The following ADAMTS15 variants were observed in gnomAD, a reference collection of about 807,000 sequenced individuals.
ADAMTS15 encodes A disintegrin and metalloproteinase with thrombospondin motifs 15.
In ADAMTS15, 35 loss-of-function variants were observed where a neutral mutation model predicts 79.1. The ratio of observed to expected loss-of-function variants is 0.44; its 90% CI spans 0.34 to 0.59. ADAMTS15 has a LOEUF of 0.59. Ranked by LOEUF, ADAMTS15 falls within the 20% of genes least tolerant of loss-of-function variation. The pLI, the probability that ADAMTS15 is intolerant of heterozygous loss-of-function variation, is 0.02. For missense variants in ADAMTS15, 1,324 were observed against 1,318.7 expected (o/e 1.00, Z -0.06); for synonymous variants, 616 against 567.3 (o/e 1.09, Z -1.22).
chr11:130,465,511 C>G (rs1296702846), intron 4 of ADAMTS15, among the ~76,000 whole-genome samples: 1 of 152,184 alleles, frequency 6.6e-6, no homozygotes, highest in Non-Finnish European at 1.5e-5. Context: ...TGGTCTGTTT[C>G]TCTGACTCCC....
chr11:130,451,907 G>C (rs1477081937), intron 1 of ADAMTS15, among the ~76,000 whole-genome samples: 10 of 152,224 alleles, frequency 6.6e-5, no homozygotes, highest in Admixed American at 6.5e-4. Context: ...CATGACCACT[G>C]GATCAGAAGC....
chr11:130,462,333 C>A lies in ADAMTS15; in HGVS notation c.1258+79C>A. ...CTGCCCCTGGTGGAGGTGCTCACTT[C>A]TCCGTCCTCTGTACATTAGGTGTGT... On this transcript the variant is annotated intron_variant, in intron 3 of 7. Transcript: ENST00000299164. The surrounding 1 kb of genome is among the most constrained non-coding windows in gnomAD (Gnocchi z 4.3). The A allele has an allele frequency of 1.3e-6, 2 of 1,520,364 alleles. No individual in the cohort carries two copies. Among genetic ancestry groups the A allele is most frequent in the Non-Finnish European group, 1.8e-6 (2 of 1,130,972 alleles). The allele number at this position is 1,520,364 out of a possible 1,614,324, so 94.2% of individuals were successfully genotyped here. A position where few individuals can be genotyped will look rare whatever the true frequency, so the allele number is the denominator to read the frequency against.
In ADAMTS15 at chr11:130,471,027, G is replaced by A. The variant is rs776761397; in HGVS notation, c.1828G>A (p.Val610Met). ...AVAWVPKYSG[V>M]SPRDKCKLIC... ...GGCATGGGTGCCCAAGTACTCCGGC[G>A]TGTCTCCCCGGGACAAGTGCAAGCT... The change falls in exon 6 of 8, where the codon GTG (valine) becomes ATG (methionine). Residue 610 changes from valine (V) to methionine (M), a missense_variant. Transcript: ENST00000299164. 20 of 1,613,714 alleles carry A rather than the reference G, an allele frequency of 1.2e-5. No homozygotes were observed. Among genetic ancestry groups the A allele is most frequent in the Middle Eastern group, 1.6e-4 (1 of 6,084 alleles).
chr11:130,453,624 A>C (rs1208794978), intron 1 of ADAMTS15, among the ~76,000 whole-genome samples: 1 of 151,952 alleles, frequency 6.6e-6, no homozygotes, highest in African/African-American at 2.4e-5. Flanking sequence ...ACAGGGTCTC[A>C]CTATGTTAAC....
chr11:130,453,533 A>G (rs1025874141), intron 1 of ADAMTS15, among the ~76,000 whole-genome samples: 24 of 152,056 alleles, frequency 1.6e-4, no homozygotes, highest in African/African-American at 5.8e-4. Context: ...CCTGGGGTCA[A>G]GTAATACTCC....
chr11:130,468,814 G>A lies in ADAMTS15; in HGVS notation c.1543-448G>A, dbSNP rs978302297. ...TAGCCGGGCATGGTAGCCGGCACCT[G>A]TAATCCCAGCTACTCGGGAGGCTGA... On this transcript the variant is annotated intron_variant, in intron 4 of 7. Coordinates refer to ENST00000299164, the MANE Select transcript of ADAMTS15 (RefSeq NM_139055.4). Among the ~76,000 whole-genome samples the A allele has an allele frequency of 1.7e-4, 25 of 150,252 alleles. No homozygotes were observed. The South Asian group carries it at 4.2e-3, about 25-fold the overall frequency.
chr11:130,454,613 T>C (rs1341770792), intron 1 of ADAMTS15, among the ~76,000 whole-genome samples: 1 of 152,142 alleles, frequency 6.6e-6, no homozygotes, highest in East Asian at 1.9e-4. Flanking sequence ...ATTGGTAGAT[T>C]GAGTATTTAA....
In ADAMTS15 at chr11:130,473,284, C is replaced by T. The variant is rs773010724; in HGVS notation, c.2316C>T (p.Ser772=). ...TGTAVESLQA[S]RPILEPLTVE... ...CAGCGGTGGAGAGCCTGCAGGCTTCCCGGCCCATCCTGGAGCCGCTGACCG... is the reference window on the plus strand; with the variant it reads ...CAGCGGTGGAGAGCCTGCAGGCTTCTCGGCCCATCCTGGAGCCGCTGACCG... The change falls in exon 8 of 8, where the codon TCC becomes TCT. Residue 772 remains serine (S), a synonymous_variant. Transcript: ENST00000299164. 3.1e-6 allele frequency: 5 copies of T among 1,613,098 alleles called. No homozygotes were observed. Among genetic ancestry groups the T allele is most frequent in the African/African-American group, 2.7e-5 (2 of 74,938 alleles).
rs1938408024 is a variant in ADAMTS15, at chr11:130,470,165, T to TATAC, written c.1720+729_1720+730insCATA. On this transcript the variant is annotated intron_variant, in intron 5 of 7. Coordinates refer to ENST00000299164, the MANE Select transcript of ADAMTS15 (RefSeq NM_139055.4). ...ATATATATATATGTGTATATATATATATATATATATATATATGTGTGTATA... is the reference window on the plus strand; with the variant it reads ...ATATATATATATGTGTATATATATATATACATATATATATATATATGTGTGTATA... Among the ~76,000 whole-genome samples the TATAC allele has an allele frequency of 3.6e-5, 2 of 55,882 alleles. 1 individual carries two copies. The highest frequency in any genetic ancestry group is 3.2e-4 in the Admixed American group (2 of 6,178). 36.7% of individuals were successfully genotyped at this position (55,882 alleles called of 152,430 possible). A position where few individuals can be genotyped will look rare whatever the true frequency, so the allele number is the denominator to read the frequency against.
Position 130,462,139 on chromosome 11 carries a change from T to G in ADAMTS15, c.1143T>G (p.Phe381Leu), listed in dbSNP as rs746591348. Residue 381 changes from phenylalanine to leucine, a missense_variant, in exon 3 of 8, where the codon TTT becomes TTG. Physicochemically the swap from Phe to Leu is conservative, Grantham distance 22. Coordinates refer to ENST00000299164, the MANE Select transcript of ADAMTS15 (RefSeq NM_139055.4). The surrounding 1 kb of genome is among the most constrained non-coding windows in gnomAD (Gnocchi z 4.3). ...ATGTGAAAGTCTGTGAGGAGGTGTTTGGGAAGCTCCGAGCCAACCACATGA... is the reference window on the plus strand; with the variant it reads ...ATGTGAAAGTCTGTGAGGAGGTGTTGGGGAAGCTCCGAGCCAACCACATGA... ...HDNVKVCEEV[F>L]GKLRANHMMS... The G allele has an allele frequency of 6.2e-7, 1 of 1,614,090 alleles. No individual in the cohort carries two copies. Among genetic ancestry groups the G allele is most frequent in the South Asian group, 1.1e-5 (1 of 91,074 alleles).
intron 5 of ADAMTS15, among the ~76,000 whole-genome samples, chr11:130,470,133 C>CATGTATATATATATATATACGTATAT (rs1555080995): frequency 2.7e-5 from 2 of 74,820 alleles, no homozygotes; most frequent in African/African-American, 1.2e-4. Flanking sequence ...TATATATATA[C>CATGTATATATATATATATACGTATAT]ATATATATAT....
At chr11:130,470,151 T>TATATATATAC (rs1565397596) in intron 5 of ADAMTS15, among the ~76,000 whole-genome samples, 2 of 56,334 alleles carry the variant, frequency 3.6e-5, no homozygotes, top group African/African-American at 1.6e-4. Context: ...TATATATATA[T>TATATATATAC]GTGTATATAT....
In ADAMTS15 at chr11:130,476,460, A is replaced by G. The variant is rs1004316902; in HGVS notation, c.*2639A>G. ...GGCAGTTGGCTCCCGGAAGCACTAGACACTGACACTCATTGGTAGACCCTC... is the reference window on the plus strand; with the variant it reads ...GGCAGTTGGCTCCCGGAAGCACTAGGCACTGACACTCATTGGTAGACCCTC... On this transcript the variant is annotated 3_prime_UTR_variant, in exon 8 of 8. Coordinates refer to ENST00000299164, the MANE Select transcript of ADAMTS15 (RefSeq NM_139055.4). 2 of 152,010 alleles carry G rather than the reference A, an allele frequency of 1.3e-5. No homozygotes were observed. Among genetic ancestry groups the G allele is most frequent in the Non-Finnish European group, 2.9e-5 (2 of 68,054 alleles). 9.4% of individuals were successfully genotyped at this position (152,010 alleles called of 1,614,324 possible).
intron 1 of ADAMTS15, among the ~76,000 whole-genome samples, chr11:130,455,998 T>C (rs927763904): frequency 6.6e-6 from 1 of 152,190 alleles, no homozygotes; most frequent in Admixed American, 6.5e-5. Context: ...TGGTGACAGC[T>C]CAACCCTGCC....
chr11:130,449,419 G>C lies in ADAMTS15; in HGVS notation c.446G>C (p.Arg149Pro). ...LPNASAPAAQRNSQGAHLLQR... is the reference protein window; with the variant it reads ...LPNASAPAAQPNSQGAHLLQR... ...AATGCTAGCGCGCCGGCGGCGCAGC[G>C]CAACAGCCAGGGCGCACACCTTCTC... Residue 149 changes from arginine (R) to proline (P), a missense_variant, in exon 1 of 8, where the codon CGC becomes CCC. Arg to Pro is a moderately radical substitution (Grantham distance 103). Coordinates refer to ENST00000299164, the MANE Select transcript of ADAMTS15 (RefSeq NM_139055.4). The surrounding 1 kb of genome is among the most constrained non-coding windows in gnomAD (Gnocchi z 7.8). The C allele has an allele frequency of 6.3e-7, 1 of 1,596,408 alleles. No homozygotes were observed. The highest frequency in any genetic ancestry group is 8.5e-7 in the Non-Finnish European group (1 of 1,176,374).
intron 4 of ADAMTS15, among the ~76,000 whole-genome samples, chr11:130,465,537 C>T (rs781065145): frequency 2.6e-5 from 4 of 152,208 alleles, no homozygotes; most frequent in East Asian, 1.9e-4. Flanking sequence ...AGCAGGTTCC[C>T]GGAAGGAGTT....
In ADAMTS15 at chr11:130,474,907, A is replaced by G. The variant is rs540577059; in HGVS notation, c.*1086A>G. On this transcript the variant is annotated 3_prime_UTR_variant, in exon 8 of 8. Transcript: ENST00000299164. ...TGCCTAGGAGGGCTAGGTGCTGAAC[A>G]TCTATGTGCCTATAAACTCGTCTTC... is the stretch of plus-strand genomic sequence containing the variant. The G allele has an allele frequency of 6.6e-6, 1 of 152,468 alleles. No homozygotes were observed. The highest frequency in any genetic ancestry group is 2.1e-4 in the South Asian group (1 of 4,832). 9.4% of individuals were successfully genotyped at this position (152,468 alleles called of 1,614,324 possible).
chr11:130,450,236 G>C, intron 1 of ADAMTS15: 1 of 985,474 alleles, frequency 1.0e-6, no homozygotes, highest in South Asian at 4.7e-5. Context: ...TTGCCGCCCC[G>C]GAGCTGCAGT....
chr11:130,459,879 G>T (rs570670962), intron 1 of ADAMTS15, among the ~76,000 whole-genome samples: 1 of 152,204 alleles, frequency 6.6e-6, no homozygotes, highest in Non-Finnish European at 1.5e-5. Context: ...GCGCTGTGCT[G>T]CTGCCCACCT....
Sources: gnomAD v4.1 joint callset for allele counts (sites outside exome capture counted in the v4.1 genomes callset) on GRCh38, gnomAD v4.1.1 for gene constraint, Gnocchi (gnomAD v3.1) non-coding constraint, MANE v1.5 for transcripts, NCBI Gene and HGNC (gene_info 2026-07-23, HGNC 2026-07-21) for gene names.